Variants in RPAP2 observed in about 807,000 individuals in gnomAD.
RPAP2 encodes putative RNA polymerase II subunit B1 CTD phosphatase RPAP2.
Under a neutral mutation model 73.1 loss-of-function variants are expected in RPAP2, and 52 were observed. The ratio of observed to expected loss-of-function variants is 0.71; its 90% CI spans 0.57 to 0.90. The LOEUF (loss-of-function observed/expected upper bound fraction) is 0.90. Among genes scored for constraint, RPAP2 ranks in the 40% least tolerant of loss-of-function variants. The pLI is 0.00. For synonymous variants in RPAP2, 225 were observed against 242.1 expected, an observed-to-expected ratio of 0.93 and a Z score of 0.65; for missense variants, 598 against 701.8, an observed-to-expected ratio of 0.85 and a Z score of 1.67.
chr1:92,334,226 A>G (rs1363711381), intron 9 of RPAP2, among the ~76,000 whole-genome samples: 1 of 152,252 alleles, frequency 6.6e-6, no homozygotes, highest in African/African-American at 2.4e-5. Context: ...GGCATAAAGA[A>G]GAGTGAAGAC....
intron 6 of RPAP2, among the ~76,000 whole-genome samples, chr1:92,318,647 T>G (rs1652069040): frequency 6.6e-6 from 1 of 152,232 alleles, no homozygotes; most frequent in African/African-American, 2.4e-5. Flanking sequence ...GGCTCTCATT[T>G]CTCTGCCTCA....
chr1:92,299,366 C>T (rs1173235641), intron 1 of RPAP2, among the ~76,000 whole-genome samples: 2 of 152,188 alleles, frequency 1.3e-5, no homozygotes, highest in Admixed American at 6.5e-5. Context: ...ATTTCCCTCA[C>T]GCGGACTGTG....
chr1:92,355,108 G>T (rs541984378), intron 11 of RPAP2, among the ~76,000 whole-genome samples: 277 of 151,922 alleles, frequency 1.8e-3, no homozygotes, highest in Admixed American at 5.6e-3. Context: ...TGACCACATT[G>T]CCTAGGCTGG....
In RPAP2 at chr1:92,361,657, C is replaced by T. The variant is rs532193149; in HGVS notation, c.1688+15743C>T. Among the ~76,000 whole-genome samples the T allele has an allele frequency of 3.3e-5, 5 of 152,298 alleles. No individual in the cohort carries two copies. In the East Asian group the frequency reaches 9.6e-4, roughly 29 times the overall value. On this transcript the variant is annotated intron_variant, in intron 11 of 12. Coordinates refer to ENST00000610020, the MANE Select transcript of RPAP2 (RefSeq NM_024813.3). Reference sequence around the variant, plus strand: ...AATTGCTACTTTTAACCAAATCCAGCATTGCCTTTTTGCAAATACAATTTT... The same window carrying T: ...AATTGCTACTTTTAACCAAATCCAGTATTGCCTTTTTGCAAATACAATTTT...
At chr1:92,354,489 G>A (rs1310524909) in intron 11 of RPAP2, among the ~76,000 whole-genome samples, 1 of 152,180 alleles carries the variant, frequency 6.6e-6, no homozygotes, top group Non-Finnish European at 1.5e-5. Context: ...ACAAACCTAT[G>A]TGTAATATAT....
At chr1:92,322,219 T>A (rs1325484668) in intron 7 of RPAP2, among the ~76,000 whole-genome samples, 4 of 151,592 alleles carry the variant, frequency 2.6e-5, no homozygotes, top group Non-Finnish European at 5.9e-5. Flanking sequence ...GTGCTGGGAT[T>A]ACAGATGTGA....
intron 6 of RPAP2, among the ~76,000 whole-genome samples, chr1:92,313,100 C>T (rs984627172): frequency 2.0e-5 from 3 of 152,208 alleles, no homozygotes; most frequent in Non-Finnish European, 4.4e-5. Flanking sequence ...CTCCTGGCCC[C>T]AAGTAATCCA....
intron 11 of RPAP2, among the ~76,000 whole-genome samples, chr1:92,375,661 T>C (rs1655353105): frequency 6.6e-6 from 1 of 152,120 alleles, no homozygotes; most frequent in African/African-American, 2.4e-5. Context: ...TGAAACCCCA[T>C]CTCTAGTAAA....
At chr1:92,340,822 G>C (rs558110732) in intron 10 of RPAP2, among the ~76,000 whole-genome samples, 1 of 152,232 alleles carries the variant, frequency 6.6e-6, no homozygotes, top group African/African-American at 2.4e-5. Flanking sequence ...ACCTGTCGTA[G>C]TGTAAAGCAG....
intron 10 of RPAP2, among the ~76,000 whole-genome samples, chr1:92,339,675 T>C (rs1438540604): frequency 6.6e-6 from 1 of 151,858 alleles, no homozygotes; most frequent in Non-Finnish European, 1.5e-5. Context: ...CGCCATAGAA[T>C]TGATAAGTAG....
chr1:92,330,792 T>G (rs1652921376), intron 8 of RPAP2, among the ~76,000 whole-genome samples: 1 of 152,114 alleles, frequency 6.6e-6, no homozygotes, highest in Non-Finnish European at 1.5e-5. Context: ...TTATGGAAAT[T>G]TTCAGAAACA....
At chr1:92,364,086 G>A (rs1452419836) in intron 11 of RPAP2, among the ~76,000 whole-genome samples, 1 of 152,010 alleles carries the variant, frequency 6.6e-6, no homozygotes, top group Non-Finnish European at 1.5e-5. Context: ...GTCATTGAGA[G>A]GATCCAGAAA....
chr1:92,320,472 C>G, intron 6 of RPAP2, 127 bp from the exon 7 acceptor site: 2 of 615,558 alleles, frequency 3.2e-6, no homozygotes, highest in East Asian at 5.5e-5. Flanking sequence ...GGGGTTTCAC[C>G]ATGTTGGCCA....
chr1:92,392,683 A>G lies in RPAP2; in HGVS notation c.*5672A>G, dbSNP rs549877997. 31 of 152,366 alleles carry G rather than the reference A, an allele frequency of 2.0e-4. No individual in the cohort carries two copies. Among genetic ancestry groups the G allele is most frequent in the African/African-American group, 7.2e-4 (30 of 41,586 alleles). The allele number at this position is 152,366 out of a possible 1,614,324, so 9.4% of individuals were successfully genotyped here. A position where few individuals can be genotyped will look rare whatever the true frequency, so the allele number is the denominator to read the frequency against. ...CCTTAAGCTGATAAGCAACTTCAGC[A>G]AAGTCTCAGGATACAAAATCGGTGT... On this transcript the variant is annotated 3_prime_UTR_variant, in exon 13 of 13. Transcript: ENST00000610020.
At chr1:92,301,075 C>T (rs901005233) in intron 2 of RPAP2, among the ~76,000 whole-genome samples, 3 of 152,172 alleles carry the variant, frequency 2.0e-5, no homozygotes, top group African/African-American at 7.2e-5. Flanking sequence ...CTGAGACCTG[C>T]GTGCTAAGTA....
In RPAP2 at chr1:92,343,768, G is replaced by GA. The variant is rs901831699; in HGVS notation, c.1620-2070dup. 3.1e-4 allele frequency among the ~76,000 whole-genome samples: 47 copies of GA among 151,940 alleles called. 1 individual carries two copies. Among genetic ancestry groups the GA allele is most frequent in the African/African-American group, 4.8e-4 (20 of 41,490 alleles). ...ATATTAGAAGGCAATAAGTGGTATG[G>GA]AAAAAAAAGAAAAACATATAGCAGA... On this transcript the variant is annotated intron_variant, in intron 10 of 12. Coordinates refer to ENST00000610020, the MANE Select transcript of RPAP2 (RefSeq NM_024813.3).
intron 11 of RPAP2, among the ~76,000 whole-genome samples, chr1:92,348,672 C>CT (rs1248844299): frequency 1.3e-5 from 2 of 152,238 alleles, no homozygotes; most frequent in South Asian, 2.1e-4. Flanking sequence ...AACTGATAGA[C>CT]TTTTTTTATC....
At chr1:92,342,394 G>C (rs1220642608) in intron 10 of RPAP2, among the ~76,000 whole-genome samples, 1 of 152,200 alleles carries the variant, frequency 6.6e-6, no homozygotes, top group African/African-American at 2.4e-5. Context: ...CAAGAGTAGA[G>C]AGATATGTGG....
chr1:92,382,393 A>G (rs1397837820), intron 12 of RPAP2, among the ~76,000 whole-genome samples: 1 of 152,166 alleles, frequency 6.6e-6, no homozygotes, highest in African/African-American at 2.4e-5. Context: ...CCAACAGCGT[A>G]CAAGTGTTCC....
Sources: gnomAD v4.1 joint callset for allele counts (sites outside exome capture counted in the v4.1 genomes callset) on GRCh38, gnomAD v4.1.1 for gene constraint, MANE v1.5 for transcripts, NCBI Gene and HGNC (gene_info 2026-07-23, HGNC 2026-07-21) for gene names.